The following ATXN1 variants were observed in gnomAD, a reference collection of about 807,000 sequenced individuals.
ATXN1 encodes the protein ataxin 1, also known as ataxin-1.
In ATXN1, 8 loss-of-function variants were observed where a neutral mutation model predicts 56.4. The observed-to-expected ratio is 0.14, with a 90% CI of 0.08 to 0.26. The LOEUF (loss-of-function observed/expected upper bound fraction) is 0.26. ATXN1 is among the 10% of genes least tolerant of loss of function. The pLI, the probability that ATXN1 is intolerant of heterozygous loss-of-function variation, is 1.00. For missense variants in ATXN1, 987 were observed against 1,106.5 expected (o/e 0.89, Z 1.53); for synonymous variants, 514 against 494.6 (o/e 1.04, Z -0.52).
chr6:16,614,430 T>TAC (rs1763167853), intron 3 of ATXN1, among the ~76,000 whole-genome samples: 1 of 151,906 alleles, frequency 6.6e-6, no homozygotes, highest in South Asian at 2.1e-4. Flanking sequence ...CCATGATACA[T>TAC]ACATCCTGAA....
chr6:16,553,349 G>C (rs1315473737), intron 4 of ATXN1, among the ~76,000 whole-genome samples: 1 of 152,112 alleles, frequency 6.6e-6, no homozygotes, highest in Non-Finnish European at 1.5e-5. Flanking sequence ...CTCCTGTCCG[G>C]GTTCAGGAAA....
chr6:16,484,947 A>ATATGTGTGTG (rs1554109743), intron 6 of ATXN1, among the ~76,000 whole-genome samples: 1 of 125,974 alleles, frequency 7.9e-6, no homozygotes, highest in Non-Finnish European at 1.7e-5. Context: ...CTAAATATAT[A>ATATGTGTGTG]TGTGTGTGTG....
intron 5 of ATXN1, among the ~76,000 whole-genome samples, chr6:16,517,177 T>G (rs1289632868): frequency 6.6e-6 from 1 of 152,266 alleles, no homozygotes; most frequent in Non-Finnish European, 1.5e-5. Context: ...GCTCATCATT[T>G]TTACTTATTT....
rs919172960 is a variant in ATXN1 at position 16,755,616 on chromosome 6, T to C, written c.-729-2269A>G. 3.3e-5 allele frequency among the ~76,000 whole-genome samples: 5 copies of C among 152,148 alleles called. No individual in the cohort carries two copies. The East Asian group carries it at 7.7e-4, about 23-fold the overall frequency. ...AGAAAAATATATTTTCTTTGAACGT[T>C]AGAAGGATAGATGCTATAGGTTAGT... On this transcript the variant is annotated intron_variant, in intron 1 of 7. Coordinates refer to ENST00000436367, the MANE Select transcript of ATXN1 (RefSeq NM_001128164.2).
chr6:16,364,158 T>C (rs1761869542), intron 6 of ATXN1, among the ~76,000 whole-genome samples: 1 of 151,286 alleles, frequency 6.6e-6, no homozygotes, highest in Admixed American at 6.6e-5. Context: ...TTCATTACAC[T>C]AAACCATGGC....
intron 6 of ATXN1, among the ~76,000 whole-genome samples, chr6:16,428,723 C>T (rs1047477270): frequency 2.0e-5 from 3 of 152,112 alleles, no homozygotes; most frequent in Non-Finnish European, 2.9e-5. Flanking sequence ...CAGCTAACAC[C>T]CAACCATCAC....
chr6:16,465,411 C>T (rs771363162), intron 6 of ATXN1, among the ~76,000 whole-genome samples: 6 of 152,144 alleles, frequency 3.9e-5, no homozygotes, highest in African/African-American at 7.2e-5. Flanking sequence ...GAGCCAAGAT[C>T]GTGCCACTGC....
chr6:16,684,515 G>A (rs1455716945), intron 2 of ATXN1, among the ~76,000 whole-genome samples: 1 of 152,098 alleles, frequency 6.6e-6, no homozygotes, highest in Non-Finnish European at 1.5e-5. Context: ...GCTCTCCAGG[G>A]TTTTCTGAAG....
chr6:16,650,766 G>A (rs1041980236), intron 3 of ATXN1, among the ~76,000 whole-genome samples: 3 of 152,150 alleles, frequency 2.0e-5, no homozygotes, highest in Admixed American at 6.5e-5. Flanking sequence ...TAAGGCGAAC[G>A]CTGAGCTGAA....
intron 2 of ATXN1, among the ~76,000 whole-genome samples, chr6:16,696,981 G>A (rs1333457196): frequency 6.6e-6 from 1 of 152,208 alleles, no homozygotes; most frequent in Non-Finnish European, 1.5e-5. Context: ...ATCAGTAAGA[G>A]TTTTAAGGAA....
In ATXN1 at chr6:16,633,754, A is replaced by T. The variant is rs532098240; in HGVS notation, c.-489+24022T>A. 6.6e-5 allele frequency among the ~76,000 whole-genome samples: 10 copies of T among 152,366 alleles called. No individual in the cohort carries two copies. In the South Asian group the frequency reaches 2.1e-3, roughly 32 times the overall value. ...ACTATAGAACCAAGGCTCCGAGCTAATTAATAGAAAGTGAAGCAATGATAG... is the reference window on the plus strand; with the variant it reads ...ACTATAGAACCAAGGCTCCGAGCTATTTAATAGAAAGTGAAGCAATGATAG... On this transcript the variant is annotated intron_variant, in intron 3 of 7. Coordinates refer to ENST00000436367, the MANE Select transcript of ATXN1 (RefSeq NM_001128164.2).
chr6:16,687,797 T>C (rs1758950759), intron 2 of ATXN1, among the ~76,000 whole-genome samples: 1 of 152,108 alleles, frequency 6.6e-6, no homozygotes, highest in Admixed American at 6.6e-5. Flanking sequence ...TTTTTGTGCC[T>C]TTATCATACC....
chr6:16,426,607 A>ATGTG (rs144648865), intron 6 of ATXN1, among the ~76,000 whole-genome samples: 3,829 of 149,564 alleles, frequency 0.026, 52 homozygotes, highest in Middle Eastern at 0.045. Context: ...GTGTGTCTGT[A>ATGTG]TGTGTGTGTG....
intron 4 of ATXN1, among the ~76,000 whole-genome samples, chr6:16,545,606 A>G (rs971689559): frequency 6.6e-6 from 1 of 152,234 alleles, no homozygotes; most frequent in African/African-American, 2.4e-5. Context: ...CTATTCAAGT[A>G]AACAACCTTG....
chr6:16,299,536 T>C lies in ATXN1; in HGVS notation c.*6793A>G, dbSNP rs1760029866. ...CAATAAGGTGCAAAACATCATTCCT[T>C]CCCTAGTTCTCCTCTGTACTGGCCA... On this transcript the variant is annotated 3_prime_UTR_variant, in exon 8 of 8. Coordinates refer to ENST00000436367, the MANE Select transcript of ATXN1 (RefSeq NM_001128164.2). The C allele has an allele frequency of 1.3e-5, 2 of 152,634 alleles. No homozygotes were observed. Among genetic ancestry groups the C allele is most frequent in the African/African-American group, 4.8e-5 (2 of 41,444 alleles). The allele number at this position is 152,634 out of a possible 1,614,324, so 9.5% of individuals were successfully genotyped here. A position where few individuals can be genotyped will look rare whatever the true frequency, so the allele number is the denominator to read the frequency against.
At chr6:16,489,468 C>T (rs1157742858) in intron 5 of ATXN1, among the ~76,000 whole-genome samples, 1 of 152,154 alleles carries the variant, frequency 6.6e-6, no homozygotes. Flanking sequence ...CATCTTAAGT[C>T]ATTAGTGGAA....
At chr6:16,316,903 A>T (rs1398549676) in intron 7 of ATXN1, among the ~76,000 whole-genome samples, 2 of 107,254 alleles carry the variant, frequency 1.9e-5, no homozygotes, top group East Asian at 2.8e-4. Flanking sequence ...AACCAGCCAG[A>T]ACTAAAGTGG....
chr6:16,614,957 T>A (rs192360862), intron 3 of ATXN1: 1 of 151,100 alleles, frequency 6.6e-6, no homozygotes, highest in African/African-American at 2.4e-5. Context: ...TAAAATAATA[T>A]AAATACAAAT....
chr6:16,347,935 G>T (rs192446771), intron 6 of ATXN1, among the ~76,000 whole-genome samples: 179 of 152,284 alleles, frequency 1.2e-3, no homozygotes, highest in African/African-American at 4.0e-3. Flanking sequence ...GATCTATACT[G>T]CCTGTATGAG....
Sources: gnomAD v4.1 joint callset for allele counts (sites outside exome capture counted in the v4.1 genomes callset) on GRCh38, gnomAD v4.1.1 for gene constraint, MANE v1.5 for transcripts, NCBI Gene and HGNC (gene_info 2026-07-23, HGNC 2026-07-21) for gene names.